PLEKHN1: variants seen among roughly 807,000 people sequenced by gnomAD.
PLEKHN1 encodes pleckstrin homology domain-containing family N member 1.
PLEKHN1 carries 68 observed loss-of-function variants against 72.8 expected under a neutral mutation model. The observed-to-expected ratio is 0.93, with a 90% CI of 0.77 to 1.14. The LOEUF (loss-of-function observed/expected upper bound fraction) is 1.14, where lower values mean the gene tolerates loss of function less well. Among genes scored for constraint, PLEKHN1 ranks in the 50% most tolerant of loss-of-function variants. PLEKHN1 has a pLI of 0.00. For synonymous variants in PLEKHN1, 454 were observed against 371.6 expected (o/e 1.22, Z -2.55); for missense variants, 1,015 against 840.5 (o/e 1.21, Z -2.57).
chr1:972,030 G>A lies in PLEKHN1; in HGVS notation c.790-45G>A, dbSNP rs369499704. 87 of 1,579,790 alleles carry A rather than the reference G, an allele frequency of 5.5e-5. 1 individual carries two copies. The highest frequency in any genetic ancestry group is 1.1e-4 in the African/African-American group (8 of 74,168). ...GTGGGATGAGGCCAGGCGGGGCCCC[G>A]GGGCTGCCCCTACAAAGGCCTGGCC... On this transcript the variant is annotated intron_variant, in intron 8 of 15. Transcript: ENST00000379410.
rs759517260 is a variant in PLEKHN1, at chr1:970,249, C to T, written c.184-28C>T. 32 of 1,607,680 alleles carry T rather than the reference C, an allele frequency of 2.0e-5. 1 individual carries two copies. The Middle Eastern group carries it at 3.3e-3, about 167-fold the overall frequency. On this transcript the variant is annotated intron_variant, in intron 2 of 15. Transcript: ENST00000379410. This position sits in a 1 kb window ranked among gnomAD's most constrained non-coding sequence, Gnocchi z 4.2. ...AGGGGGTGGGGGGCCCAGGGGAGGCCCCCTCCCCTGAGCTCTACTCCTCCT... is the reference window on the plus strand; with the variant it reads ...AGGGGGTGGGGGGCCCAGGGGAGGCTCCCTCCCCTGAGCTCTACTCCTCCT...
In PLEKHN1 at chr1:974,835, C is replaced by G; in HGVS notation, c.*260C>G. 1 of 522,258 alleles carries G rather than the reference C, an allele frequency of 1.9e-6. No individual in the cohort carries two copies. Among genetic ancestry groups the G allele is most frequent in the Admixed American group, 3.4e-5 (1 of 29,202 alleles). 32.4% of individuals were successfully genotyped at this position (522,258 alleles called of 1,614,324 possible). ...ACAGGTCAGGGAGGTCCTGGCCGTC[C>G]ACAGGGTCGGCCCTCAGCTCAGCCC... On this transcript the variant is annotated 3_prime_UTR_variant, in exon 16 of 16. Coordinates refer to ENST00000379410, the MANE Select transcript of PLEKHN1 (RefSeq NM_032129.3).
In PLEKHN1 at chr1:972,110, G is replaced by C; in HGVS notation, c.825G>C (p.Leu275=). ...ELPLRAVHIN[L]EEKEKQIRSF... ...CACTCCGTGCCGTCCACATCAACCT[G>C]GAGGAGAAGGAGAAGCAGATCCGCT... The change falls in exon 9 of 16, where the codon CTG becomes CTC. Residue 275 remains leucine, a synonymous_variant. Transcript: ENST00000379410. 6.2e-7 allele frequency: 1 copy of C among 1,612,704 alleles called. No homozygotes were observed. The highest frequency in any genetic ancestry group is 8.5e-7 in the Non-Finnish European group (1 of 1,179,510).
chr1:969,660 A>G (rs1035529039), intron 2 of PLEKHN1, among the ~76,000 whole-genome samples: 5 of 144,078 alleles, frequency 3.5e-5, no homozygotes, highest in South Asian at 2.3e-4. Context: ...GTGTGTATCC[A>G]TGCATATGTG....
At position 975,054 on chromosome 1, in the gene PLEKHN1, G is replaced by A. The variant is rs188543497; in HGVS notation, c.*479G>A. ...TGGGTGGGTCCTTGTGTGGCCTGGC[G>A]CGCACCACAGGGCAGCACGGGAGAC... On this transcript the variant is annotated 3_prime_UTR_variant, in exon 16 of 16. Coordinates refer to ENST00000379410, the MANE Select transcript of PLEKHN1 (RefSeq NM_032129.3). The A allele has an allele frequency of 3.8e-3, 608 of 161,364 alleles. 14 individuals are homozygous for A. Among genetic ancestry groups the A allele is most frequent in the Admixed American group, 0.033 (559 of 16,774 alleles). 10.0% of individuals were successfully genotyped at this position (161,364 alleles called of 1,614,324 possible).
rs761607611 is a variant in PLEKHN1, at chr1:970,999, C to T, written c.605C>T (p.Pro202Leu). ...LGGPRRCHSA[P>L]PQRRLTRLRT... ...GGGCCGCGGCGCTGCCACTCGGCAC[C>T]CCCACAGGTCAGTGCCGGGGACCCC... Residue 202 changes from proline (P) to leucine (L), a missense_variant, in exon 6 of 16, where the codon CCC (proline) becomes CTC (leucine). Transcript: ENST00000379410. This position sits in a 1 kb window ranked among gnomAD's most constrained non-coding sequence, Gnocchi z 4.2. 1.2e-6 allele frequency: 2 copies of T among 1,603,514 alleles called. No homozygotes were observed. The highest frequency in any genetic ancestry group is 1.1e-5 in the South Asian group (1 of 90,028).
chr1:966,514 A>G lies in PLEKHN1; in HGVS notation c.-18A>G. The G allele has an allele frequency of 6.3e-7, 1 of 1,585,788 alleles. No homozygotes were observed. Among genetic ancestry groups the G allele is most frequent in the Admixed American group, 1.7e-5 (1 of 58,372 alleles). ...TGTGGACAGGGACCCAGACTTGCCG[A>G]CCTGTACGACTCTGGCCATGGGGAA... On this transcript the variant is annotated 5_prime_UTR_variant, in exon 1 of 16. Coordinates refer to ENST00000379410, the MANE Select transcript of PLEKHN1 (RefSeq NM_032129.3).
intron 2 of PLEKHN1, among the ~76,000 whole-genome samples, chr1:969,649 C>T (rs1001739527): frequency 1.1e-4 from 14 of 131,654 alleles, no homozygotes; most frequent in African/African-American, 1.7e-4. Context: ...TATGTGTGCA[C>T]GTGTGTATCC....
intron 2 of PLEKHN1, among the ~76,000 whole-genome samples, chr1:969,887 A>T (rs1181024942): frequency 1.3e-5 from 2 of 151,754 alleles, no homozygotes; most frequent in Non-Finnish European, 2.9e-5. Context: ...ACGAATATGC[A>T]TGTATGCATA....
chr1:973,800 C>T (rs1450720938), intron 13 of PLEKHN1, 33 bp from the exon 14 acceptor site: 3 of 1,594,036 alleles, frequency 1.9e-6, no homozygotes, highest in African/African-American at 1.3e-5. Flanking sequence ...CCCCTGGCTG[C>T]CACCCAGGCC....
chr1:970,778 G>A lies in PLEKHN1; in HGVS notation c.484+20G>A. ...TCACAGGTGTTTGGGATGCTTCCCG[G>A]GCCCCCAGAGGCACTCCTGACCCAG... On this transcript the variant is annotated intron_variant, in intron 5 of 15. Transcript: ENST00000379410. The surrounding 1 kb of genome is among the most constrained non-coding windows in gnomAD (Gnocchi z 4.2). 2 of 1,612,680 alleles carry A rather than the reference G, an allele frequency of 1.2e-6. No individual in the cohort carries two copies. Among genetic ancestry groups the A allele is most frequent in the Non-Finnish European group, 8.5e-7 (1 of 1,179,858 alleles).
rs1294034168 is a variant in PLEKHN1 at position 972,119 on chromosome 1, G to A, written c.834G>A (p.Lys278=). ...CCGTCCACATCAACCTGGAGGAGAA[G>A]GAGAAGCAGATCCGCTCCTTCCTGA... ...LRAVHINLEE[K]EKQIRSFLIE... Residue 278 remains lysine, a synonymous_variant, in exon 9 of 16, where the codon AAG becomes AAA. Coordinates refer to ENST00000379410, the MANE Select transcript of PLEKHN1 (RefSeq NM_032129.3). 5 of 1,613,068 alleles carry A rather than the reference G, an allele frequency of 3.1e-6. No homozygotes were observed. The highest frequency in any genetic ancestry group is 2.7e-5 in the African/African-American group (2 of 74,958).
At chr1:969,622 GTGTA>G (rs1304541716) in intron 2 of PLEKHN1, among the ~76,000 whole-genome samples, 3 of 149,486 alleles carry the variant, frequency 2.0e-5, no homozygotes, top group South Asian at 2.1e-4. Flanking sequence ...GTGCATATCT[GTGTA>G]TGTGCAACTG....
At position 971,409 on chromosome 1, in the gene PLEKHN1, GC is replaced by G. The variant is rs1385412957; in HGVS notation, c.789+9del. 1 of 1,571,332 alleles carries G rather than the reference GC, an allele frequency of 6.4e-7. No homozygotes were observed. The highest frequency in any genetic ancestry group is 1.2e-5 in the South Asian group (1 of 85,804). The stretch of plus-strand genomic sequence containing the variant: ...CTGGACGGGCTTTGCTTCAAGGTGG[GC>G]CCCTCCCCACTGTGGGCCCGCCCCA... On this transcript the variant is annotated splice_donor_region_variant and intron_variant, in intron 8 of 15. Coordinates refer to ENST00000379410, the MANE Select transcript of PLEKHN1 (RefSeq NM_032129.3).
chr1:971,376 C>A lies in PLEKHN1; in HGVS notation c.761C>A (p.Ser254Tyr). The A allele has an allele frequency of 6.3e-7, 1 of 1,589,606 alleles. No individual in the cohort carries two copies. Among genetic ancestry groups the A allele is most frequent in the East Asian group, 2.3e-5 (1 of 43,556 alleles). Reference protein sequence around the residue: ...VLYPTSLAIFSEELDGLCFKG... With the variant: ...VLYPTSLAIFYEELDGLCFKG... Reference sequence around the variant, plus strand: ...TACCCAACGTCCTTGGCCATTTTCTCCGAGGAGCTGGACGGGCTTTGCTTC... The same window carrying A: ...TACCCAACGTCCTTGGCCATTTTCTACGAGGAGCTGGACGGGCTTTGCTTC... Residue 254 changes from serine to tyrosine, a missense_variant, in exon 8 of 16, where the codon TCC (serine) becomes TAC (tyrosine). Physicochemically the swap from Ser to Tyr is moderately radical, Grantham distance 144 (BLOSUM62 -2). Coordinates refer to ENST00000379410, the MANE Select transcript of PLEKHN1 (RefSeq NM_032129.3).
Position 970,015 on chromosome 1 carries a change from A to G in PLEKHN1, c.184-262A>G, listed in dbSNP as rs927267418. On this transcript the variant is annotated intron_variant, in intron 2 of 15. Coordinates refer to ENST00000379410, the MANE Select transcript of PLEKHN1 (RefSeq NM_032129.3). This position sits in a 1 kb window ranked among gnomAD's most constrained non-coding sequence, Gnocchi z 4.2. ...ACGTATGTGTTGTGTGGCTGTGCAC[A>G]GGTTCTGTGCCTGTGGGGGGCTGTT... Among the ~76,000 whole-genome samples, 7 of 151,358 alleles carry G rather than the reference A, an allele frequency of 4.6e-5. No individual in the cohort carries two copies. The highest frequency in any genetic ancestry group is 2.1e-4 in the South Asian group (1 of 4,782).
At position 972,945 on chromosome 1, in the gene PLEKHN1, A is replaced by AC; in HGVS notation, c.1089dup (p.Ser364GlnfsTer6). On this transcript the variant is annotated frameshift_variant, in exon 11 of 16. Transcript: ENST00000379410. LOFTEE classifies it high-confidence loss of function. ...GTGCTTGGCGCCCCCCTCCACCCGC[A>AC]CCAGCCACTCCCTGCCTGAGTCCTC... 1 of 1,547,378 alleles carries AC rather than the reference A, an allele frequency of 6.5e-7. No individual in the cohort carries two copies. Among genetic ancestry groups the AC allele is most frequent in the Non-Finnish European group, 8.7e-7 (1 of 1,147,418 alleles).
intron 10 of PLEKHN1, 116 bp downstream of exon 10, chr1:972,540 C>G (rs28430926): frequency 0.029 from 37,724 of 1,295,664 alleles, 1,436 homozygotes; most frequent in East Asian, 0.17. Context: ...CTGAGGCGGG[C>G]GGATCATTTG....
intron 2 of PLEKHN1, among the ~76,000 whole-genome samples, chr1:969,608 G>A (rs1234740107): frequency 2.6e-5 from 4 of 151,956 alleles, no homozygotes; most frequent in African/African-American, 7.3e-5. Flanking sequence ...ATGTATGCAC[G>A]TGTGTGCATA....
Sources: allele counts gnomAD v4.1 joint callset (sites outside exome capture counted in the v4.1 genomes callset), GRCh38; gene constraint gnomAD v4.1.1; non-coding constraint Gnocchi (gnomAD v3.1); transcripts MANE v1.5; gene names NCBI Gene and HGNC (gene_info 2026-07-23, HGNC 2026-07-21).